The following HACD2 variants were observed in gnomAD, a reference collection of about 807,000 sequenced individuals.
HACD2 encodes the protein 3-hydroxyacyl-CoA dehydratase 2.
In HACD2, 15 loss-of-function variants were observed where a neutral mutation model predicts 31.0. The ratio of observed to expected loss-of-function variants is 0.48; its 90% CI spans 0.32 to 0.75. The LOEUF (loss-of-function observed/expected upper bound fraction) is 0.75. Among genes scored for constraint, HACD2 ranks in the 30% least tolerant of loss-of-function variants. HACD2 has a pLI of 0.03. For missense variants in HACD2, 283 were observed against 313.0 expected, an observed-to-expected ratio of 0.90 and a Z score of 0.72; for synonymous variants, 115 against 122.2, an observed-to-expected ratio of 0.94 and a Z score of 0.39.
At chr3:123,561,193 T>C (rs2056725598) in intron 3 of HACD2, among the ~76,000 whole-genome samples, 1 of 152,190 alleles carries the variant, frequency 6.6e-6, no homozygotes, top group Non-Finnish European at 1.5e-5. Context: ...TAGCGGCTGC[T>C]CTGCTTCCTA....
At position 123,494,859 on chromosome 3, in the gene HACD2, G is replaced by T; in HGVS notation, c.*29C>A. On this transcript the variant is annotated 3_prime_UTR_variant, in exon 7 of 7. Transcript: ENST00000383657. ...GCATTTTTTGATCATTGAAAAGTTT[G>T]TTTTGGTGGGAGGTGCAGAAAGCAG... 7.0e-7 allele frequency: 1 copy of T among 1,433,942 alleles called. No individual in the cohort carries two copies. Among genetic ancestry groups the T allele is most frequent in the Non-Finnish European group, 9.6e-7 (1 of 1,043,308 alleles). 88.8% of individuals were successfully genotyped at this position (1,433,942 alleles called of 1,614,324 possible).
chr3:123,549,751 A>AAACAAC (rs368931168), intron 3 of HACD2, among the ~76,000 whole-genome samples: 1 of 152,094 alleles, frequency 6.6e-6, no homozygotes, highest in Non-Finnish European at 1.5e-5. Context: ...CTGTCTCCAA[A>AAACAAC]AACAACAACA....
intron 4 of HACD2, among the ~76,000 whole-genome samples, chr3:123,519,802 C>T (rs1288381789): frequency 6.6e-6 from 1 of 152,208 alleles, no homozygotes; most frequent in Non-Finnish European, 1.5e-5. Context: ...AAAAATGCCA[C>T]CTGTTGTACT....
In HACD2 at chr3:123,528,289, TGACCTGGAAC is replaced by T; in HGVS notation, c.381+87_381+96del. 6.5e-6 allele frequency: 5 copies of T among 775,004 alleles called. No individual in the cohort carries two copies. In the East Asian group the frequency reaches 1.2e-4, roughly 19 times the overall value. 48.0% of individuals were successfully genotyped at this position (775,004 alleles called of 1,614,324 possible). A position where few individuals can be genotyped will look rare whatever the true frequency, so the allele number is the denominator to read the frequency against. ...GCTATATTGACATGACCTGGAACTC[TGACCTGGAAC>T]TCTTTAGCCATAACAAACATGTGAA... On this transcript the variant is annotated intron_variant, in intron 4 of 6. Coordinates refer to ENST00000383657, the MANE Select transcript of HACD2 (RefSeq NM_198402.5).
chr3:123,584,225 GAA>G lies in HACD2; in HGVS notation c.155+646_155+647del, dbSNP rs200431989. Among the ~76,000 whole-genome samples the G allele has an allele frequency of 1.1e-3, 166 of 152,292 alleles. 5 individuals carry two copies. In the East Asian group the frequency reaches 0.031, roughly 29 times the overall value. ...GCCGGGATAAGGGATGCACTGAAATGAAAGAGACAGAAGATGGGTAAAACCGT... is the reference window on the plus strand; with the variant it reads ...GCCGGGATAAGGGATGCACTGAAATGAGAGACAGAAGATGGGTAAAACCGT... On this transcript the variant is annotated intron_variant, in intron 1 of 6. Transcript: ENST00000383657.
intron 3 of HACD2, among the ~76,000 whole-genome samples, chr3:123,557,151 G>A (rs1472850711): frequency 6.6e-6 from 1 of 152,224 alleles, no homozygotes; most frequent in East Asian, 1.9e-4. Context: ...ATCACTGCCT[G>A]AGCTCCACCT....
chr3:123,567,225 T>A (rs1207880877), intron 3 of HACD2, among the ~76,000 whole-genome samples: 1 of 152,222 alleles, frequency 6.6e-6, no homozygotes, highest in Non-Finnish European at 1.5e-5. Flanking sequence ...CAATATTTGA[T>A]GACTCGCCCC....
chr3:123,503,109 C>T (rs1429759227), intron 4 of HACD2, among the ~76,000 whole-genome samples: 2 of 152,010 alleles, frequency 1.3e-5, no homozygotes, highest in Admixed American at 6.5e-5. Flanking sequence ...ACAAAAAATA[C>T]AGAAAATTAG....
At chr3:123,542,232 G>A (rs1002324461) in intron 3 of HACD2, among the ~76,000 whole-genome samples, 1 of 150,432 alleles carries the variant, frequency 6.6e-6, no homozygotes, top group African/African-American at 2.4e-5. Flanking sequence ...TGAGCAAAGG[G>A]CATAAATAGA....
chr3:123,498,905 T>C (rs1041327743), intron 6 of HACD2, among the ~76,000 whole-genome samples: 1 of 152,194 alleles, frequency 6.6e-6, no homozygotes, highest in Non-Finnish European at 1.5e-5. Context: ...AGCTCAGCAC[T>C]GGTTGGCTAC....
chr3:123,529,485 G>A (rs536124054), intron 3 of HACD2, among the ~76,000 whole-genome samples: 1 of 152,350 alleles, frequency 6.6e-6, no homozygotes, highest in East Asian at 1.9e-4. Context: ...AACACTCTGG[G>A]AGGCTGAAGC....
At chr3:123,575,957 T>A (rs527359216) in intron 2 of HACD2, among the ~76,000 whole-genome samples, 48 of 152,230 alleles carry the variant, frequency 3.2e-4, no homozygotes, top group Non-Finnish European at 6.2e-4. Flanking sequence ...ATAAGCTGTA[T>A]ATTCCAACCT....
intron 2 of HACD2, among the ~76,000 whole-genome samples, chr3:123,571,332 A>C (rs549971241): frequency 3.3e-5 from 5 of 152,250 alleles, no homozygotes; most frequent in African/African-American, 1.2e-4. Context: ...GGGATTTTGC[A>C]AGTGTAATTA....
rs188927302 is a variant in HACD2 at position 123,501,826 on chromosome 3, A to C, written c.503+734T>G. On this transcript the variant is annotated intron_variant, in intron 5 of 6. Transcript: ENST00000383657. ...GGAGTTCCCATACTCAAAATGTTGG[A>C]AACAATCGGATTATGTCCCTAATTT... is the stretch of plus-strand genomic sequence containing the variant. 5.3e-5 allele frequency among the ~76,000 whole-genome samples: 8 copies of C among 152,336 alleles called. No homozygotes were observed. In the East Asian group the frequency reaches 1.2e-3, roughly 22 times the overall value.
chr3:123,529,924 A>AT (rs1162890130), intron 3 of HACD2, among the ~76,000 whole-genome samples: 2 of 152,164 alleles, frequency 1.3e-5, no homozygotes, highest in African/African-American at 4.8e-5. Flanking sequence ...TAAAAAAAAA[A>AT]ATATATTGAA....
chr3:123,536,312 G>A (rs1015765626), intron 3 of HACD2, among the ~76,000 whole-genome samples: 4 of 152,106 alleles, frequency 2.6e-5, no homozygotes, highest in Non-Finnish European at 4.4e-5. Flanking sequence ...TCAATACTGT[G>A]GAAATGCAGG....
chr3:123,583,591 G>A (rs1041393047), intron 1 of HACD2, among the ~76,000 whole-genome samples: 1 of 152,024 alleles, frequency 6.6e-6, no homozygotes, highest in African/African-American at 2.4e-5. Flanking sequence ...TCTGAGCCTA[G>A]GTTCCAACAC....
At chr3:123,583,587 C>T (rs1304593934) in intron 1 of HACD2, among the ~76,000 whole-genome samples, 2 of 152,110 alleles carry the variant, frequency 1.3e-5, no homozygotes, top group African/African-American at 4.8e-5. Flanking sequence ...CTTCTCTGAG[C>T]CTAGGTTCCA....
intron 6 of HACD2, among the ~76,000 whole-genome samples, chr3:123,498,656 C>T (rs180895464): frequency 2.6e-5 from 4 of 152,324 alleles, no homozygotes; most frequent in Admixed American, 6.5e-5. Context: ...ATCCCCTCCA[C>T]CGCCCAGGGA....
Sources: gnomAD v4.1 joint callset for allele counts (sites outside exome capture counted in the v4.1 genomes callset) on GRCh38, gnomAD v4.1.1 for gene constraint, MANE v1.5 for transcripts, NCBI Gene and HGNC (gene_info 2026-07-23, HGNC 2026-07-21) for gene names.